The following JAK1 variants were observed in gnomAD, a reference collection of about 807,000 sequenced individuals.
The protein encoded by JAK1 is Janus kinase 1, also known as tyrosine-protein kinase JAK1.
In JAK1, 16 loss-of-function variants were observed where a neutral mutation model predicts 136.6. The observed-to-expected ratio is 0.12, with a 90% CI of 0.08 to 0.18. JAK1 has a LOEUF of 0.18. Among genes scored for constraint, JAK1 ranks in the 10% least tolerant of loss-of-function variants. JAK1 has a pLI of 1.00. For missense variants in JAK1, 859 were observed against 1,450.1 expected, an observed-to-expected ratio of 0.59 and a Z score of 6.62; for synonymous variants, 492 against 519.5, an observed-to-expected ratio of 0.95 and a Z score of 0.72.
rs186242829 is a variant in JAK1 at position 65,053,623 on chromosome 1, G to A, written c.-180-9041C>T. ...CCCAGCACTTTGGGAGGCCAAAGCA[G>A]GAGGATTGCTTGAGCCCAGGAGTTC... On this transcript the variant is annotated intron_variant, in intron 1 of 25. Coordinates refer to the JAK1 transcript ENST00000671954. 1.2e-4 allele frequency among the ~76,000 whole-genome samples: 18 copies of A among 152,344 alleles called. 1 individual carries two copies. Among genetic ancestry groups the A allele is most frequent in the African/African-American group, 4.3e-4 (18 of 41,596 alleles).
At chr1:64,846,347 C>A (rs970246824) in intron 14 of JAK1, among the ~76,000 whole-genome samples, 1 of 152,124 alleles carries the variant, frequency 6.6e-6, no homozygotes, top group Non-Finnish European at 1.5e-5. Flanking sequence ...GCTCCTTGGG[C>A]CTGACTCTTG....
chr1:65,066,283 T>C (rs1367879025), intron 1 of JAK1, among the ~76,000 whole-genome samples: 1 of 151,672 alleles, frequency 6.6e-6, no homozygotes, highest in Admixed American at 6.6e-5. Context: ...CCAAGTCCCC[T>C]CCCCCTTCCT....
intron 2 of JAK1, among the ~76,000 whole-genome samples, chr1:65,024,094 TG>T (rs1411056567): frequency 6.6e-6 from 1 of 152,152 alleles, no homozygotes; most frequent in East Asian, 1.9e-4. Context: ...CAAAACTTTT[TG>T]CGGCCATATA....
chr1:64,980,764 C>T (rs1646537983), intron 2 of JAK1, among the ~76,000 whole-genome samples: 1 of 151,988 alleles, frequency 6.6e-6, no homozygotes, highest in Non-Finnish European at 1.5e-5. Flanking sequence ...TGATGTTCCC[C>T]TTCCTGTGTC....
At chr1:64,885,354 G>A (rs370044429) in intron 2 of JAK1, among the ~76,000 whole-genome samples, 2 of 152,180 alleles carry the variant, frequency 1.3e-5, no homozygotes, top group African/African-American at 4.8e-5. Context: ...CTTTATAGAC[G>A]TGACAGGGGA....
intron 1 of JAK1, among the ~76,000 whole-genome samples, chr1:64,955,244 G>A (rs932620125): frequency 6.6e-6 from 1 of 152,122 alleles, no homozygotes; most frequent in African/African-American, 2.4e-5. Flanking sequence ...GCATAGTGGA[G>A]GTGTGTCTGC....
chr1:65,054,091 C>G (rs1406658455), intron 1 of JAK1, among the ~76,000 whole-genome samples: 2 of 152,046 alleles, frequency 1.3e-5, no homozygotes, highest in Non-Finnish European at 2.9e-5. Flanking sequence ...TGTGATGAAA[C>G]AGATACGGTC....
At chr1:65,065,201 G>A (rs567708549) in intron 1 of JAK1, among the ~76,000 whole-genome samples, 1 of 152,272 alleles carries the variant, frequency 6.6e-6, no homozygotes, top group Admixed American at 6.5e-5. Context: ...TCATGGAAGG[G>A]AGACTGTTGG....
At chr1:64,922,936 CTG>C (rs779813438) in intron 1 of JAK1, among the ~76,000 whole-genome samples, 7 of 152,170 alleles carry the variant, frequency 4.6e-5, no homozygotes, top group Non-Finnish European at 1.0e-4. Context: ...TCTCACCTAA[CTG>C]TTGTCAAGGA....
intron 1 of JAK1, among the ~76,000 whole-genome samples, chr1:64,928,789 A>C (rs866700351): frequency 1.6e-5 from 2 of 123,144 alleles, no homozygotes; most frequent in African/African-American, 4.0e-5. Flanking sequence ...AAAAAAAAAA[A>C]AAAAAAACAA....
intron 2 of JAK1, among the ~76,000 whole-genome samples, chr1:64,975,064 C>T (rs980571404): frequency 4.0e-5 from 6 of 151,250 alleles, no homozygotes; most frequent in Admixed American, 1.3e-4. Flanking sequence ...CATGTGCCAC[C>T]ATGCCCAGCT....
At chr1:64,941,946 C>G (rs762143214) in intron 1 of JAK1, 2 of 152,110 alleles carry the variant, frequency 1.3e-5, no homozygotes, top group Non-Finnish European at 2.9e-5. Context: ...GGAGCCCAGT[C>G]GGCCTGGAGC....
chr1:64,989,514 C>A (rs1646635265), intron 2 of JAK1: 1 of 152,126 alleles, frequency 6.6e-6, no homozygotes, highest in African/African-American at 2.4e-5. Flanking sequence ...GCAAAGCAGA[C>A]CTTATTTGCA....
chr1:65,055,443 C>CATGTTGCTATA (rs1647488484), intron 1 of JAK1, among the ~76,000 whole-genome samples: 1 of 152,158 alleles, frequency 6.6e-6, no homozygotes, highest in South Asian at 2.1e-4. Context: ...TATTGTGAAT[C>CATGTTGCTATA]ATGTTGCTAT....
At chr1:64,919,016 CCTT>C (rs1645448420) in intron 1 of JAK1, among the ~76,000 whole-genome samples, 1 of 151,698 alleles carries the variant, frequency 6.6e-6, no homozygotes, top group Non-Finnish European at 1.5e-5. Context: ...GCTCCTTTTA[CCTT>C]TTTTTTTATT....
At chr1:65,014,781 T>G (rs1569880280) in intron 2 of JAK1, among the ~76,000 whole-genome samples, 1 of 151,632 alleles carries the variant, frequency 6.6e-6, no homozygotes, top group African/African-American at 2.4e-5. Context: ...GCCTCCCGGG[T>G]TCACGCCATT....
intron 1 of JAK1, among the ~76,000 whole-genome samples, chr1:64,900,906 C>G (rs1645095089): frequency 2.0e-5 from 3 of 152,162 alleles, no homozygotes; most frequent in South Asian, 4.1e-4. Context: ...GTCCTCCAAG[C>G]CTTTGCTGTC....
At chr1:64,944,788 C>T (rs1645954192) in intron 1 of JAK1, among the ~76,000 whole-genome samples, 1 of 152,072 alleles carries the variant, frequency 6.6e-6, no homozygotes, top group African/African-American at 2.4e-5. Flanking sequence ...AAAATATTAA[C>T]AAAGGTTGTG....
intron 1 of JAK1, among the ~76,000 whole-genome samples, chr1:64,928,179 G>A (rs80232330): frequency 0.038 from 5,844 of 152,252 alleles, 142 homozygotes; most frequent in Non-Finnish European, 0.062. Context: ...ATGCCATGAG[G>A]TGCTTATGAT....
Sources: allele counts gnomAD v4.1 joint callset (sites outside exome capture counted in the v4.1 genomes callset), GRCh38; gene constraint gnomAD v4.1.1; transcripts MANE v1.5; gene names NCBI Gene and HGNC (gene_info 2026-07-23, HGNC 2026-07-21).